The following GPT2 variants were observed in gnomAD, a reference collection of about 807,000 sequenced individuals.
The protein encoded by GPT2 is glutamic--pyruvic transaminase 2, also known as alanine aminotransferase 2.
A neutral mutation model predicts 56.9 loss-of-function variants in GPT2; 30 were observed. That is an observed-to-expected ratio of 0.53 (90% CI 0.39 to 0.72). The LOEUF is 0.72. Ranked by LOEUF, GPT2 falls within the 30% of genes least tolerant of loss-of-function variation. GPT2 has a pLI of 0.00. For synonymous variants in GPT2, 271 were observed against 283.1 expected, an observed-to-expected ratio of 0.96 and a Z score of 0.43; for missense variants, 542 against 703.4, an observed-to-expected ratio of 0.77 and a Z score of 2.60.
chr16:46,894,207 G>C (rs537164717), intron 2 of GPT2, among the ~76,000 whole-genome samples: 3 of 152,300 alleles, frequency 2.0e-5, no homozygotes, highest in Non-Finnish European at 2.9e-5. Context: ...CGAGCAGTGC[G>C]GGGGGAGGGC....
chr16:46,924,110 G>A (rs759275691), intron 9 of GPT2: 8 of 454,386 alleles, frequency 1.8e-5, no homozygotes, highest in Non-Finnish European at 2.9e-5. Context: ...CTGTTTTGCT[G>A]TGCTCAGGCT....
intron 10 of GPT2, among the ~76,000 whole-genome samples, chr16:46,926,414 A>C (rs1961413617): frequency 6.6e-6 from 1 of 151,558 alleles, no homozygotes. Flanking sequence ...ATACCACTGC[A>C]CTCCAGCCTG....
intron 8 of GPT2, among the ~76,000 whole-genome samples, chr16:46,919,240 T>C (rs1184741448): frequency 1.3e-5 from 2 of 152,180 alleles, no homozygotes; most frequent in African/African-American, 4.8e-5. Flanking sequence ...CCGGCACTGA[T>C]CTCAGCACCG....
intron 4 of GPT2, 146 bp downstream of exon 4, chr16:46,900,936 C>T (rs1195533586): frequency 1.8e-5 from 11 of 619,736 alleles, no homozygotes; most frequent in East Asian, 2.9e-5. Context: ...CAAAAAATAG[C>T]GTCCTCTTCC....
intron 3 of GPT2, among the ~76,000 whole-genome samples, chr16:46,899,144 T>C (rs1333287297): frequency 6.6e-6 from 1 of 151,414 alleles, no homozygotes; most frequent in African/African-American, 2.4e-5. Flanking sequence ...GCAATCCTCC[T>C]GCCTCAGCCT....
rs780263424 is a variant in GPT2 at position 46,916,652 on chromosome 16, T to C, written c.845T>C (p.Ile282Thr). The change falls in exon 7 of 12, where the codon ATA becomes ACA. Residue 282 changes from isoleucine (I) to threonine (T), a missense_variant. By Grantham distance (89) the Ile-to-Thr change is moderately conservative. Coordinates refer to ENST00000340124, the MANE Select transcript of GPT2 (RefSeq NM_133443.4). ...PTGQVQSRKCIEDVIHFAWEE... is the reference protein window; with the variant it reads ...PTGQVQSRKCTEDVIHFAWEE... ...GGCCAGGTACAAAGCAGAAAGTGCATAGAAGATGTGATCCACTTTGCCTGG... is the reference window on the plus strand; with the variant it reads ...GGCCAGGTACAAAGCAGAAAGTGCACAGAAGATGTGATCCACTTTGCCTGG... The C allele has an allele frequency of 5.6e-6, 9 of 1,613,828 alleles. No homozygotes were observed. Among genetic ancestry groups the C allele is most frequent in the South Asian group, 1.1e-5 (1 of 91,084 alleles).
chr16:46,917,175 C>T (rs1961185803), intron 7 of GPT2, among the ~76,000 whole-genome samples: 1 of 152,170 alleles, frequency 6.6e-6, no homozygotes, highest in South Asian at 2.1e-4. Flanking sequence ...CAGCCTGAGT[C>T]ACACGCCCAT....
At chr16:46,916,053 A>G (rs924256895) in intron 6 of GPT2, 1 of 153,552 alleles carries the variant, frequency 6.5e-6, no homozygotes, top group Middle Eastern at 3.1e-3. Flanking sequence ...GCCTTCATAA[A>G]AATAAGAGCC....
At chr16:46,894,805 A>G (rs1386927200) in intron 2 of GPT2, among the ~76,000 whole-genome samples, 1 of 152,056 alleles carries the variant, frequency 6.6e-6, no homozygotes, top group Non-Finnish European at 1.5e-5. Flanking sequence ...AGCTGGGACT[A>G]CAGGCGCCCG....
intron 4 of GPT2, 71 bp downstream of exon 4, chr16:46,900,861 C>A: frequency 1.6e-6 from 2 of 1,287,976 alleles, no homozygotes; most frequent in African/African-American, 1.5e-5. Context: ...CAGCCTCAAG[C>A]GGAGGGTCCT....
intron 11 of GPT2, 77 bp from the exon 12 acceptor site, chr16:46,928,830 A>G: frequency 9.3e-7 from 1 of 1,076,372 alleles, no homozygotes; most frequent in Non-Finnish European, 1.4e-6. Flanking sequence ...CCATTCCTAG[A>G]GGCAGTTTAG....
intron 10 of GPT2, among the ~76,000 whole-genome samples, chr16:46,924,755 C>T (rs1961368770): frequency 6.6e-6 from 1 of 152,142 alleles, no homozygotes; most frequent in African/African-American, 2.4e-5. Flanking sequence ...ATGAGGTGGG[C>T]CCCAGGGGAA....
chr16:46,914,993 C>T (rs1258490256), intron 6 of GPT2, among the ~76,000 whole-genome samples: 1 of 152,144 alleles, frequency 6.6e-6, no homozygotes, highest in Non-Finnish European at 1.5e-5. Flanking sequence ...TCATAGCTCA[C>T]TGCAGCCTCA....
chr16:46,900,302 T>C (rs1002011045), intron 3 of GPT2, among the ~76,000 whole-genome samples: 2 of 151,956 alleles, frequency 1.3e-5, no homozygotes, highest in African/African-American at 4.8e-5. Context: ...AGTAGGGGGT[T>C]CTGCAGCCAT....
chr16:46,922,762 C>T (rs142800539), intron 9 of GPT2, among the ~76,000 whole-genome samples: 5 of 152,176 alleles, frequency 3.3e-5, no homozygotes, highest in African/African-American at 9.6e-5. Context: ...GGCGCAGCAT[C>T]GATCCCAGGC....
chr16:46,895,767 A>G (rs1018539090), intron 2 of GPT2, among the ~76,000 whole-genome samples: 3 of 152,148 alleles, frequency 2.0e-5, no homozygotes, highest in African/African-American at 7.2e-5. Flanking sequence ...TCCTGGCCTC[A>G]AGGGATCCTC....
At chr16:46,927,602 A>G (rs934361113) in intron 11 of GPT2, among the ~76,000 whole-genome samples, 6 of 152,234 alleles carry the variant, frequency 3.9e-5, no homozygotes, top group Non-Finnish European at 8.8e-5. Context: ...AGTTCTCTTC[A>G]GAACAACATC....
At chr16:46,887,229 G>A (rs1960500566) in intron 2 of GPT2, among the ~76,000 whole-genome samples, 2 of 152,152 alleles carry the variant, frequency 1.3e-5, no homozygotes, top group Non-Finnish European at 2.9e-5. Context: ...AGCACTTTGG[G>A]AAGCCAAAGT....
At chr16:46,924,197 T>G in intron 9 of GPT2, 192 bp from the exon 10 acceptor site, 1 of 674,758 alleles carries the variant, frequency 1.5e-6, no homozygotes, top group Non-Finnish European at 2.7e-6. Flanking sequence ...ACTCCGTCTG[T>G]GTGGTGTGCA....
Sources: gnomAD v4.1 joint callset for allele counts (sites outside exome capture counted in the v4.1 genomes callset) on GRCh38, gnomAD v4.1.1 for gene constraint, MANE v1.5 for transcripts, NCBI Gene and HGNC (gene_info 2026-07-23, HGNC 2026-07-21) for gene names.